EXOC2: variants seen among roughly 807,000 people sequenced by gnomAD.
The protein encoded by EXOC2 is SEC5-like 1.
Under a neutral mutation model 131.8 loss-of-function variants are expected in EXOC2, and 70 were observed. The observed-to-expected ratio is 0.53, with a 90% CI of 0.44 to 0.65. The LOEUF (loss-of-function observed/expected upper bound fraction) is 0.65, where lower values mean the gene tolerates loss of function less well. Among genes scored for constraint, EXOC2 ranks in the 30% least tolerant of loss-of-function variants. EXOC2 has a pLI of 0.00. For missense variants in EXOC2, 923 were observed against 1,108.6 expected (o/e 0.83, Z 2.38); for synonymous variants, 411 against 398.4 (o/e 1.03, Z -0.38).
chr6:530,472 C>G (rs1766011605), intron 23 of EXOC2, among the ~76,000 whole-genome samples: 1 of 152,152 alleles, frequency 6.6e-6, no homozygotes, highest in African/African-American at 2.4e-5. Context: ...CCCGCGGGCA[C>G]AGAGAGTGGC....
At chr6:524,766 T>C (rs1457456321) in intron 23 of EXOC2, 1 of 152,260 alleles carries the variant, frequency 6.6e-6, no homozygotes, top group East Asian at 1.9e-4. Context: ...GAAATTTTTC[T>C]ATATTTAATC....
intron 1 of EXOC2, among the ~76,000 whole-genome samples, chr6:675,078 T>A (rs1464347433): frequency 6.6e-6 from 1 of 152,172 alleles, no homozygotes; most frequent in Non-Finnish European, 1.5e-5. Flanking sequence ...TCCCTCTGCC[T>A]CCTGACCTAC....
At chr6:493,543 T>TA (rs758951469) in intron 25 of EXOC2, among the ~76,000 whole-genome samples, 2 of 152,224 alleles carry the variant, frequency 1.3e-5, no homozygotes, top group African/African-American at 2.4e-5. Context: ...AGCTATATAA[T>TA]ACCTACAAAA....
chr6:638,662 G>C (rs934798629), intron 1 of EXOC2, among the ~76,000 whole-genome samples: 22 of 152,266 alleles, frequency 1.4e-4, no homozygotes, highest in African/African-American at 5.3e-4. Context: ...GCCGGGTGCG[G>C]TGGCTCATGC....
chr6:489,949 C>T (rs144022838), intron 26 of EXOC2, among the ~76,000 whole-genome samples: 11 of 152,330 alleles, frequency 7.2e-5, no homozygotes, highest in South Asian at 4.1e-4. Flanking sequence ...CCCGGGAGGG[C>T]GCGGTGGGGT....
chr6:656,854 C>G lies in EXOC2; in HGVS notation c.-43-18993G>C, dbSNP rs1454741147. On this transcript the variant is annotated intron_variant, in intron 1 of 27. Transcript: ENST00000230449. ...AGGCTGTCAGGGCGCACGCGGAGCA[C>G]GCAGACCTTCGCTAGCCTCGCGACG... is the stretch of plus-strand genomic sequence containing the variant. The G allele has an allele frequency of 3.1e-6, 5 of 1,609,932 alleles. No individual in the cohort carries two copies. In the Admixed American group the frequency reaches 6.7e-5, roughly 22 times the overall value.
At chr6:568,551 G>A (rs1336382015) in intron 13 of EXOC2, among the ~76,000 whole-genome samples, 2 of 152,182 alleles carry the variant, frequency 1.3e-5, no homozygotes, top group East Asian at 3.8e-4. Flanking sequence ...GTGTGTGAGT[G>A]CAGGGATAGG....
chr6:659,719 T>C (rs977870353), intron 1 of EXOC2, among the ~76,000 whole-genome samples: 1 of 152,158 alleles, frequency 6.6e-6, no homozygotes, highest in Non-Finnish European at 1.5e-5. Flanking sequence ...GCTCACTGTG[T>C]CCCCTTGCAG....
chr6:610,800 G>A (rs76543004), intron 6 of EXOC2, among the ~76,000 whole-genome samples: 1,961 of 152,142 alleles, frequency 0.013, 26 homozygotes, highest in African/African-American at 0.032. Context: ...TTATGATCTT[G>A]TTATTTTTCA....
rs1758343993 is a variant in EXOC2, at chr6:572,576, G to A, written c.1387C>T (p.Leu463=). The change falls in exon 13 of 28, where the codon CTG becomes TTG. Residue 463 remains leucine (L), a synonymous_variant. Coordinates refer to ENST00000230449, the MANE Select transcript of EXOC2 (RefSeq NM_018303.6). ...ATCCAGAGTTTCCAGAAGTTAGGCA[G>A]CTGGCTCAAGACGAGTTTTGTCAAT... The part of the protein sequence containing the change: ...EKLTKLVLSQ[L]PNFWKLWISY... 1.2e-6 allele frequency: 2 copies of A among 1,614,226 alleles called. No individual in the cohort carries two copies. Among genetic ancestry groups the A allele is most frequent in the South Asian group, 1.1e-5 (1 of 91,082 alleles).
intron 4 of EXOC2, among the ~76,000 whole-genome samples, chr6:625,906 G>A (rs1761540632): frequency 6.7e-6 from 1 of 150,008 alleles, no homozygotes; most frequent in Non-Finnish European, 1.5e-5. Context: ...CCTGATTTCT[G>A]CCCCTGCGCC....
chr6:493,414 A>G (rs1452560303), intron 25 of EXOC2, among the ~76,000 whole-genome samples: 1 of 152,242 alleles, frequency 6.6e-6, no homozygotes, highest in East Asian at 1.9e-4. Flanking sequence ...TCAGCTGACC[A>G]TTTTAGGAGA....
chr6:665,860 A>T (rs1434550280), intron 1 of EXOC2, among the ~76,000 whole-genome samples: 1 of 152,162 alleles, frequency 6.6e-6, no homozygotes, highest in African/African-American at 2.4e-5. Flanking sequence ...GTGCACCAGA[A>T]TCTCACAAGT....
intron 23 of EXOC2, among the ~76,000 whole-genome samples, chr6:508,644 T>C (rs2127499839): frequency 6.6e-6 from 1 of 152,384 alleles, no homozygotes; most frequent in African/African-American, 2.4e-5. Flanking sequence ...ATATTCATTT[T>C]CCAGATGGAC....
In EXOC2 at chr6:598,861, T is replaced by A; in HGVS notation, c.969A>T (p.Lys323Asn). The change falls in exon 9 of 28, where the codon AAA becomes AAT. Residue 323 changes from lysine to asparagine, a missense_variant and splice_region_variant. By Grantham distance (94) the Lys-to-Asn change is moderately conservative. Transcript: ENST00000230449. The part of the protein sequence containing the change: ...FGKTEVQVFK[K>N]YYAEVETRIE... ...CTAAAAGTAATACATGAATCTTACA[T>A]TTCTTGAAAACTTGCACCTCCGTTT... 6.2e-7 allele frequency: 1 copy of A among 1,608,040 alleles called. No individual in the cohort carries two copies. The highest frequency in any genetic ancestry group is 8.5e-7 in the Non-Finnish European group (1 of 1,177,530).
At chr6:597,867 C>T (rs1472919794) in intron 10 of EXOC2, among the ~76,000 whole-genome samples, 154 bp downstream of exon 10, 1 of 152,166 alleles carries the variant, frequency 6.6e-6, no homozygotes, top group Non-Finnish European at 1.5e-5. Context: ...TTTTGATGTC[C>T]TACGCCAGAT....
intron 23 of EXOC2, among the ~76,000 whole-genome samples, chr6:508,483 C>T (rs971246955): frequency 2.6e-5 from 4 of 152,176 alleles, no homozygotes; most frequent in African/African-American, 4.8e-5. Context: ...AACCACTGAT[C>T]TTTTTAATCT....
At chr6:652,819 A>G (rs1489543382) in intron 1 of EXOC2, among the ~76,000 whole-genome samples, 1 of 152,202 alleles carries the variant, frequency 6.6e-6, no homozygotes, top group African/African-American at 2.4e-5. Context: ...ATTGTGCTTC[A>G]CTTTACTGTA....
chr6:502,572 G>A (rs1404905463), intron 23 of EXOC2, among the ~76,000 whole-genome samples: 1 of 152,022 alleles, frequency 6.6e-6, no homozygotes, highest in African/African-American at 2.4e-5. Context: ...GAGGTGAAGT[G>A]TAAACTGCTC....
Sources: gnomAD v4.1 joint callset for allele counts (sites outside exome capture counted in the v4.1 genomes callset) on GRCh38, gnomAD v4.1.1 for gene constraint, MANE v1.5 for transcripts, NCBI Gene and HGNC (gene_info 2026-07-23, HGNC 2026-07-21) for gene names.